The following IPO5 variants were observed in gnomAD, a reference collection of about 807,000 sequenced individuals.
IPO5 encodes the protein importin-5.
In IPO5, 18 loss-of-function variants were observed where a neutral mutation model predicts 143.3. That is an observed-to-expected ratio of 0.13 (90% CI 0.09 to 0.19). The LOEUF is 0.19. Among genes scored for constraint, IPO5 ranks in the 10% least tolerant of loss-of-function variants. The probability of loss-of-function intolerance (pLI) is 1.00; values close to 1 mark genes in which losing one functional copy is unlikely to be tolerated. For synonymous variants in IPO5, 477 were observed against 465.7 expected (o/e 1.02, Z -0.31); for missense variants, 1,013 against 1,336.9 (o/e 0.76, Z 3.78).
chr13:97,992,592 T>C (rs1887894768), intron 9 of IPO5, among the ~76,000 whole-genome samples: 1 of 152,110 alleles, frequency 6.6e-6, no homozygotes, highest in South Asian at 2.1e-4. Context: ...AAGGGACTCC[T>C]GGTTATAAAA....
chr13:97,962,341 A>T (rs914326793), intron 2 of IPO5, among the ~76,000 whole-genome samples: 1 of 152,124 alleles, frequency 6.6e-6, no homozygotes, highest in Non-Finnish European at 1.5e-5. Flanking sequence ...TTCTTGTAAG[A>T]ATTTTATAGT....
At position 98,008,064 on chromosome 13, in the gene IPO5, G is replaced by T; in HGVS notation, c.1722G>T (p.Met574Ile). The T allele has an allele frequency of 6.3e-7, 1 of 1,599,670 alleles. No individual in the cohort carries two copies. Among genetic ancestry groups the T allele is most frequent in the Non-Finnish European group, 8.6e-7 (1 of 1,167,266 alleles). ...IGLAVGKEKFMQDASDVMQLL... is the reference protein window; with the variant it reads ...IGLAVGKEKFIQDASDVMQLL... ...CTCTACATATTTTCCTCTAGTTCAT[G>T]CAGGATGCATCAGATGTGATGCAGC... Residue 574 changes from methionine to isoleucine, a missense_variant, in exon 18 of 29, where the codon ATG becomes ATT. Around this residue, in one of 2 missense-constraint regions of IPO5, gnomAD observed 685 missense variants for 994.9 expected, o/e 0.69. Transcript: ENST00000651721.
chr13:97,964,050 T>C lies in IPO5; in HGVS notation c.-112-5673T>C, dbSNP rs540587960. On this transcript the variant is annotated intron_variant, in intron 2 of 28. Transcript: ENST00000651721. ...CCTACTTTTTGATGGGGTTGTTTTTTTCTTGTAAATTTGTTTAAGTTATTT... is the reference window on the plus strand; with the variant it reads ...CCTACTTTTTGATGGGGTTGTTTTTCTCTTGTAAATTTGTTTAAGTTATTT... Among the ~76,000 whole-genome samples, 7 of 152,368 alleles carry C rather than the reference T, an allele frequency of 4.6e-5. No individual in the cohort carries two copies. In the South Asian group the frequency reaches 8.3e-4, roughly 18 times the overall value.
chr13:97,987,985 C>T (rs1469565284), intron 6 of IPO5: 1 of 305,280 alleles, frequency 3.3e-6, no homozygotes, highest in Admixed American at 3.2e-5. Context: ...TATTTCCCCT[C>T]AAAGCATCAT....
intron 7 of IPO5, among the ~76,000 whole-genome samples, chr13:97,989,488 A>G (rs552171754): frequency 9.8e-5 from 15 of 152,308 alleles, no homozygotes; most frequent in Non-Finnish European, 1.6e-4. Flanking sequence ...CAAAAGCCAC[A>G]TTAATAATGG....
chr13:98,018,554 A>G lies in IPO5; in HGVS notation c.2686A>G (p.Ser896Gly). ...CIFDDVIEHC[S>G]PASFKYAEYF... ...CTTTGATGATGTCATAGAACACTGT[A>G]GTCCAGCCTCATTTAAATACGCAGA... Residue 896 changes from serine (S) to glycine (G), a missense_variant, in exon 26 of 29, where the codon AGT becomes GGT. This residue lies in a region of IPO5 where 685 missense variants were observed against 994.9 expected (regional missense o/e 0.69). Transcript: ENST00000651721. 6.2e-7 allele frequency: 1 copy of G among 1,614,142 alleles called. No individual in the cohort carries two copies. The highest frequency in any genetic ancestry group is 1.1e-5 in the South Asian group (1 of 91,086).
At chr13:97,962,574 T>TG (rs996346015) in intron 2 of IPO5, among the ~76,000 whole-genome samples, 1 of 152,092 alleles carries the variant, frequency 6.6e-6, no homozygotes, top group African/African-American at 2.4e-5. Flanking sequence ...CCCAGCACTT[T>TG]GGGGGGCCCA....
chr13:97,994,165 A>T (rs1286786642), intron 11 of IPO5, among the ~76,000 whole-genome samples: 1 of 152,140 alleles, frequency 6.6e-6, no homozygotes, highest in Non-Finnish European at 1.5e-5. Context: ...AAAATTAGCC[A>T]GATGTGGTGG....
intron 2 of IPO5, among the ~76,000 whole-genome samples, chr13:97,959,041 G>A (rs550812868): frequency 2.3e-4 from 35 of 151,832 alleles, no homozygotes; most frequent in African/African-American, 8.5e-4. Context: ...ACGTGGTGGC[G>A]GGCACCTGTA....
intron 12 of IPO5, among the ~76,000 whole-genome samples, chr13:97,998,738 G>A (rs1215118574): frequency 1.3e-5 from 2 of 152,200 alleles, no homozygotes; most frequent in Non-Finnish European, 1.5e-5. Context: ...CAGAAAGGGA[G>A]ATTGAAGATT....
rs749036094 is a variant in IPO5 at position 97,985,718 on chromosome 13, C to T, written c.364+105C>T. 578 of 742,460 alleles carry T rather than the reference C, an allele frequency of 7.8e-4. 11 individuals are homozygous for T. The highest frequency in any genetic ancestry group is 1.5e-4 in the Non-Finnish European group (67 of 444,444). 46.0% of individuals were successfully genotyped at this position (742,460 alleles called of 1,614,324 possible). A position where few individuals can be genotyped will look rare whatever the true frequency, so the allele number is the denominator to read the frequency against. ...AGTAAGATTCATAAGTACCTGAGTA[C>T]CATTTATTCTGTTTAAAATGAATGT... On this transcript the variant is annotated intron_variant, in intron 6 of 28. Coordinates refer to ENST00000651721, the MANE Select transcript of IPO5 (RefSeq NM_002271.6).
chr13:97,984,553 C>A (rs898711092), intron 5 of IPO5, among the ~76,000 whole-genome samples: 2 of 151,184 alleles, frequency 1.3e-5, no homozygotes, highest in South Asian at 4.2e-4. Context: ...TGAATTCTTT[C>A]TAGAACATGT....
intron 7 of IPO5, 74 bp from the exon 8 acceptor site, chr13:97,990,052 A>G (rs1887684719): frequency 3.4e-6 from 3 of 878,676 alleles, no homozygotes; most frequent in Non-Finnish European, 5.6e-6. Flanking sequence ...ACAGTTCATT[A>G]GAGATTCTAG....
chr13:98,014,185 C>G lies in IPO5; in HGVS notation c.2296C>G (p.Leu766Val). 6.2e-7 allele frequency: 1 copy of G among 1,612,002 alleles called. No individual in the cohort carries two copies. The highest frequency in any genetic ancestry group is 8.5e-7 in the Non-Finnish European group (1 of 1,178,762). The stretch of plus-strand genomic sequence containing the variant: ...TGGTACAGAACCAGATTCAGACGTC[C>G]TCTCAGAAATAATGCATTCTTTTGC... ...AIGTEPDSDV[L>V]SEIMHSFAKC... The change falls in exon 22 of 29, where the codon CTC (leucine) becomes GTC (valine). Residue 766 changes from leucine to valine, a missense_variant. This residue lies in a region of IPO5 where 685 missense variants were observed against 994.9 expected (regional missense o/e 0.69). Transcript: ENST00000651721.
At chr13:97,999,560 A>G (rs1317938112) in intron 12 of IPO5, among the ~76,000 whole-genome samples, 1 of 152,192 alleles carries the variant, frequency 6.6e-6, no homozygotes, top group African/African-American at 2.4e-5. Flanking sequence ...TTTAAGTCTA[A>G]AAACCTGTTC....
chr13:97,965,567 A>G (rs1362199821), intron 2 of IPO5, among the ~76,000 whole-genome samples: 1 of 152,164 alleles, frequency 6.6e-6, no homozygotes, highest in African/African-American at 2.4e-5. Flanking sequence ...CAAGTTCTAC[A>G]GTTCTGTGAA....
intron 9 of IPO5, among the ~76,000 whole-genome samples, chr13:97,991,854 G>A (rs2139698961): frequency 6.6e-6 from 1 of 152,330 alleles, no homozygotes; most frequent in South Asian, 2.1e-4. Flanking sequence ...GTAATAATGT[G>A]AAATGCATAA....
At chr13:97,955,694 A>G (rs540954824) in intron 2 of IPO5, among the ~76,000 whole-genome samples, 2 of 152,154 alleles carry the variant, frequency 1.3e-5, no homozygotes, top group South Asian at 4.2e-4. Context: ...TTTACAGATG[A>G]GGAAATGGAG....
chr13:97,964,953 A>G (rs1250017464), intron 2 of IPO5, among the ~76,000 whole-genome samples: 7 of 152,220 alleles, frequency 4.6e-5, no homozygotes, highest in Admixed American at 3.9e-4. Flanking sequence ...ATGCCCATCA[A>G]TGATAGACTG....
Sources: allele counts gnomAD v4.1 joint callset (sites outside exome capture counted in the v4.1 genomes callset), GRCh38; gene constraint gnomAD v4.1.1; regional missense constraint gnomAD v4.1.1; transcripts MANE v1.5; gene names NCBI Gene and HGNC (gene_info 2026-07-23, HGNC 2026-07-21).